Variants in PHACTR4 observed in about 807,000 individuals in gnomAD.
PHACTR4 encodes protein phosphatase 1, regulatory subunit 124.
A neutral mutation model predicts 72.7 loss-of-function variants in PHACTR4; 51 were observed. That is an observed-to-expected ratio of 0.70 (90% confidence interval 0.56 to 0.89). PHACTR4 has a LOEUF of 0.89. Among genes scored for constraint, PHACTR4 ranks in the 40% least tolerant of loss-of-function variants. PHACTR4 has a pLI of 0.00. For missense variants in PHACTR4, 731 were observed against 861.8 expected (o/e 0.85, Z 1.90); for synonymous variants, 255 against 302.5 (o/e 0.84, Z 1.63).
chr1:28,456,908 TAGAG>T lies in PHACTR4; in HGVS notation c.17-2173_17-2170del, dbSNP rs1300011459. 5.6e-4 allele frequency among the ~76,000 whole-genome samples: 55 copies of T among 97,842 alleles called. No homozygotes were observed. In the East Asian group the frequency reaches 6.1e-3, roughly 11 times the overall value. 64.2% of individuals were successfully genotyped at this position (97,842 alleles called of 152,430 possible). On this transcript the variant is annotated intron_variant, in intron 2 of 13. Coordinates refer to ENST00000373839, the MANE Select transcript of PHACTR4 (RefSeq NM_001048183.3). ...TCTCTAAAATAACTAGATAAATAGATAGAGAGACAGATAGATAGATAGATAGATA... is the reference window on the plus strand; with the variant it reads ...TCTCTAAAATAACTAGATAAATAGATAGACAGATAGATAGATAGATAGATA...
chr1:28,403,943 A>T (rs923315944), intron 1 of PHACTR4, among the ~76,000 whole-genome samples: 1 of 152,140 alleles, frequency 6.6e-6, no homozygotes, highest in Non-Finnish European at 1.5e-5. Flanking sequence ...CCGTTGTATT[A>T]ATTTTGTTTA....
chr1:28,465,906 T>C lies in PHACTR4; in HGVS notation c.436+57T>C, dbSNP rs938043338. 5 of 1,518,352 alleles carry C rather than the reference T, an allele frequency of 3.3e-6. No homozygotes were observed. The Admixed American group carries it at 1.1e-4, about 32-fold the overall frequency. The allele number at this position is 1,518,352 out of a possible 1,614,324, so 94.1% of individuals were successfully genotyped here. On this transcript the variant is annotated intron_variant, in intron 5 of 13. Transcript: ENST00000373839. ...CCACGGGCCAGTTATTCTCCTTACA[T>C]AAGGGGTTTGCAAGAGAACAGGGAA...
At chr1:28,486,605 G>T (rs1557848753) in intron 9 of PHACTR4, among the ~76,000 whole-genome samples, 1 of 152,026 alleles carries the variant, frequency 6.6e-6, no homozygotes, top group Non-Finnish European at 1.5e-5. Context: ...GGTGGCTCAT[G>T]CCTGTAATCC....
intron 1 of PHACTR4, 147 bp from the exon 2 acceptor site, chr1:28,407,263 A>C (rs900043344): frequency 4.8e-6 from 2 of 413,898 alleles, no homozygotes; most frequent in East Asian, 3.8e-5. Context: ...AAAAAAAAAA[A>C]ACTATCATTT....
At chr1:28,446,671 C>T (rs1657494748) in intron 2 of PHACTR4, among the ~76,000 whole-genome samples, 1 of 152,000 alleles carries the variant, frequency 6.6e-6, no homozygotes, top group African/African-American at 2.4e-5. Context: ...CCCAGCTATT[C>T]AGGAGGCTGA....
chr1:28,439,694 T>C (rs139701031), intron 2 of PHACTR4, among the ~76,000 whole-genome samples: 186 of 152,312 alleles, frequency 1.2e-3, no homozygotes, highest in Admixed American at 4.0e-3. Flanking sequence ...ATTTAGAACA[T>C]AAAGATAAAC....
chr1:28,495,612 TA>T (rs199656988), intron 13 of PHACTR4, among the ~76,000 whole-genome samples: 9 of 144,792 alleles, frequency 6.2e-5, no homozygotes, highest in Non-Finnish European at 1.2e-4. Flanking sequence ...TTTATTTATT[TA>T]TTTTTTTTTT....
intron 2 of PHACTR4, among the ~76,000 whole-genome samples, chr1:28,429,892 GA>G (rs2124372474): frequency 6.6e-6 from 1 of 152,218 alleles, no homozygotes; most frequent in African/African-American, 2.4e-5. Context: ...TGAGGTCAGA[GA>G]AAAAAACTTT....
chr1:28,437,810 G>A (rs114106068), intron 2 of PHACTR4, among the ~76,000 whole-genome samples: 146 of 152,178 alleles, frequency 9.6e-4, no homozygotes, highest in African/African-American at 3.1e-3. Flanking sequence ...AATTGTAAGG[G>A]GACACAAACA....
At chr1:28,395,236 G>A (rs1031287884) in intron 1 of PHACTR4, among the ~76,000 whole-genome samples, 1 of 139,442 alleles carries the variant, frequency 7.2e-6, no homozygotes, top group Non-Finnish European at 1.5e-5. Context: ...AGTATGTTTT[G>A]TCTTTGAGGT....
Position 28,498,361 on chromosome 1 carries a change from CT to C in PHACTR4, c.*1813del, listed in dbSNP as rs1446330609. The C allele has an allele frequency of 6.5e-6, 1 of 152,686 alleles. No homozygotes were observed. Among genetic ancestry groups the C allele is most frequent in the Non-Finnish European group, 1.5e-5 (1 of 68,272 alleles). The allele number at this position is 152,686 out of a possible 1,614,324, so 9.5% of individuals were successfully genotyped here. A position where few individuals can be genotyped will look rare whatever the true frequency, so the allele number is the denominator to read the frequency against. On this transcript the variant is annotated 3_prime_UTR_variant, in exon 14 of 14. Transcript: ENST00000373839. The stretch of plus-strand genomic sequence containing the variant: ...TCACTCCAGTGCTGATCCTCCTGCT[CT>C]CTCTGGCAGCTTCCACCTCACCCGC...
In PHACTR4 at chr1:28,473,770, T is replaced by C. The variant is rs925706635; in HGVS notation, c.1040T>C (p.Leu347Pro). The C allele has an allele frequency of 2.5e-6, 4 of 1,614,010 alleles. No individual in the cohort carries two copies. The highest frequency in any genetic ancestry group is 1.7e-5 in the Admixed American group (1 of 59,982). The change falls in exon 7 of 14, where the codon CTG (leucine) becomes CCG (proline). Residue 347 changes from leucine (L) to proline (P), a missense_variant. Transcript: ENST00000373839. ...MISPRSPSPP[L>P]PTHIPPEPPR... ...TCACCTCGCTCTCCGTCCCCCCCAC[T>C]GCCTACTCATATACCTCCAGAGCCT...
Position 28,496,554 on chromosome 1 carries a change from A to C in PHACTR4, c.*5A>C. 6.2e-7 allele frequency: 1 copy of C among 1,613,852 alleles called. No homozygotes were observed. Among genetic ancestry groups the C allele is most frequent in the South Asian group, 1.1e-5 (1 of 91,084 alleles). ...TTTAGCTACCATCGTCCATGATGCC[A>C]AAGGTTGAGAGAGGAATCAACATGG... is the stretch of plus-strand genomic sequence containing the variant. On this transcript the variant is annotated 3_prime_UTR_variant, in exon 14 of 14. Coordinates refer to ENST00000373839, the MANE Select transcript of PHACTR4 (RefSeq NM_001048183.3).
intron 1 of PHACTR4, among the ~76,000 whole-genome samples, chr1:28,388,278 A>C (rs531783789): frequency 4.1e-4 from 63 of 152,338 alleles, no homozygotes; most frequent in Admixed American, 8.5e-4. Flanking sequence ...ATTTTGAGCT[A>C]AAAGAATAAA....
intron 1 of PHACTR4, among the ~76,000 whole-genome samples, chr1:28,386,162 C>T (rs1330473031): frequency 2.0e-5 from 3 of 152,132 alleles, no homozygotes; most frequent in Non-Finnish European, 4.4e-5. Context: ...GGTGCGATCT[C>T]GGCTCATTGC....
intron 2 of PHACTR4, among the ~76,000 whole-genome samples, chr1:28,445,062 T>G (rs1271512947): frequency 6.6e-6 from 1 of 151,620 alleles, no homozygotes; most frequent in Non-Finnish European, 1.5e-5. Flanking sequence ...TTCAAGCAAT[T>G]CTCTGCCTCA....
chr1:28,468,014 TATACTC>T (rs1404444491), intron 6 of PHACTR4, among the ~76,000 whole-genome samples: 27 of 152,210 alleles, frequency 1.8e-4, no homozygotes, highest in African/African-American at 6.5e-4. Context: ...GAATAAAAAC[TATACTC>T]ATTAAATATT....
At chr1:28,474,244 G>A (rs976384820) in intron 7 of PHACTR4, 93 bp downstream of exon 7, 6 of 1,192,000 alleles carry the variant, frequency 5.0e-6, no homozygotes, top group Non-Finnish European at 7.1e-6. Context: ...TGTGGGCCGG[G>A]CCTAGTGGCC....
chr1:28,398,653 T>G (rs1653710701), intron 1 of PHACTR4, among the ~76,000 whole-genome samples: 1 of 151,728 alleles, frequency 6.6e-6, no homozygotes, highest in African/African-American at 2.4e-5. Context: ...ACCCTGTCTC[T>G]ACCAAAAACA....
Sources: allele counts gnomAD v4.1 joint callset (sites outside exome capture counted in the v4.1 genomes callset), GRCh38; gene constraint gnomAD v4.1.1; transcripts MANE v1.5; gene names NCBI Gene and HGNC (gene_info 2026-07-23, HGNC 2026-07-21).